The following UVRAG variants were observed in gnomAD, a reference collection of about 807,000 sequenced individuals.
UVRAG encodes UV radiation resistance-associated gene protein.
A neutral mutation model predicts 78.0 loss-of-function variants in UVRAG; 19 were observed. The ratio of observed to expected loss-of-function variants is 0.24; its 90% CI spans 0.17 to 0.36. The LOEUF (loss-of-function observed/expected upper bound fraction) is 0.36. Ranked by LOEUF, UVRAG falls within the 10% of genes least tolerant of loss-of-function variation. UVRAG has a pLI of 1.00. For synonymous variants in UVRAG, 323 were observed against 324.6 expected (o/e 1.00, Z 0.05); for missense variants, 740 against 853.8 (o/e 0.87, Z 1.66).
At chr11:75,942,212 A>G (rs7941207) in intron 6 of UVRAG, 13,443 of 153,082 alleles carry the variant, frequency 0.088, 1,012 homozygotes, top group African/African-American at 0.21. Flanking sequence ...GAGTGTGAAT[A>G]TCAGCAATTT....
intron 12 of UVRAG, among the ~76,000 whole-genome samples, chr11:76,047,552 A>C (rs2134343541): frequency 6.6e-6 from 1 of 152,298 alleles, no homozygotes; most frequent in African/African-American, 2.4e-5. Context: ...TTAGAGAAGG[A>C]CAAGGGAAGG....
At chr11:75,856,078 C>T (rs1456266886) in intron 2 of UVRAG, among the ~76,000 whole-genome samples, 1 of 152,168 alleles carries the variant, frequency 6.6e-6, no homozygotes, top group Non-Finnish European at 1.5e-5. Context: ...CAAGCTCCGC[C>T]TCCTGGGTTC....
At chr11:76,044,905 A>G (rs1256787111) in intron 12 of UVRAG, among the ~76,000 whole-genome samples, 1 of 152,216 alleles carries the variant, frequency 6.6e-6, no homozygotes, top group Non-Finnish European at 1.5e-5. Context: ...GAAAGTAGCA[A>G]TTGACGTAGC....
In UVRAG at chr11:76,143,053, G is replaced by T. The variant is rs749423416; in HGVS notation, c.*1640G>T. ...ATCTTCCTCCACATGAAGAAGTGGG[G>T]CTCCTTCACCTAGAGCAGGAGCTTC... On this transcript the variant is annotated 3_prime_UTR_variant, in exon 15 of 15. Coordinates refer to ENST00000356136, the MANE Select transcript of UVRAG (RefSeq NM_003369.4). 2.6e-5 allele frequency: 4 copies of T among 152,190 alleles called. No homozygotes were observed. Among genetic ancestry groups the T allele is most frequent in the South Asian group, 2.1e-4 (1 of 4,828 alleles). 9.4% of individuals were successfully genotyped at this position (152,190 alleles called of 1,614,324 possible).
intron 2 of UVRAG, among the ~76,000 whole-genome samples, chr11:75,859,095 C>T (rs1946358148): frequency 6.6e-6 from 1 of 152,108 alleles, no homozygotes; most frequent in African/African-American, 2.4e-5. Flanking sequence ...AAAATTTAGG[C>T]TGGGTGTGGT....
chr11:76,019,111 T>A (rs994554459), intron 12 of UVRAG, among the ~76,000 whole-genome samples: 1 of 152,242 alleles, frequency 6.6e-6, no homozygotes, highest in Non-Finnish European at 1.5e-5. Flanking sequence ...TGATCAATTC[T>A]GCTATTAAGA....
intron 13 of UVRAG, among the ~76,000 whole-genome samples, chr11:76,106,246 A>G (rs1951966933): frequency 6.6e-6 from 1 of 152,182 alleles, no homozygotes; most frequent in Non-Finnish European, 1.5e-5. Flanking sequence ...TAAATACTCT[A>G]TGATTCCATT....
intron 5 of UVRAG, among the ~76,000 whole-genome samples, chr11:75,890,938 GTTGTTA>G (rs1477723562): frequency 6.6e-6 from 1 of 152,084 alleles, no homozygotes; most frequent in African/African-American, 2.4e-5. Context: ...TGTTGTTGTT[GTTGTTA>G]TTGTTGTTTG....
chr11:75,941,814 G>T (rs955086039), intron 6 of UVRAG, among the ~76,000 whole-genome samples: 3 of 152,000 alleles, frequency 2.0e-5, no homozygotes, highest in Non-Finnish European at 2.9e-5. Context: ...GGAACTTCAG[G>T]GCCAGGTGGA....
At chr11:75,847,987 A>T (rs1207804345) in intron 1 of UVRAG, among the ~76,000 whole-genome samples, 1 of 150,488 alleles carries the variant, frequency 6.6e-6, no homozygotes, top group Non-Finnish European at 1.5e-5. Context: ...AAAAAAAGAA[A>T]AAAGGATTTA....
intron 3 of UVRAG, among the ~76,000 whole-genome samples, chr11:75,875,450 G>A (rs147940312): frequency 1.5e-4 from 23 of 149,644 alleles, no homozygotes; most frequent in African/African-American, 5.4e-4. Context: ...GACCTGTTAC[G>A]TATTTAAACC....
At chr11:75,858,614 G>T (rs1946344653) in intron 2 of UVRAG, among the ~76,000 whole-genome samples, 1 of 152,048 alleles carries the variant, frequency 6.6e-6, no homozygotes, top group African/African-American at 2.4e-5. Flanking sequence ...ATATTGATAG[G>T]GTAAATTTCA....
chr11:76,044,313 G>C (rs1440768888), intron 12 of UVRAG, among the ~76,000 whole-genome samples: 1 of 152,216 alleles, frequency 6.6e-6, no homozygotes, highest in Non-Finnish European at 1.5e-5. Context: ...TCACAGGGTT[G>C]TTTTAAGAAT....
intron 6 of UVRAG, among the ~76,000 whole-genome samples, chr11:75,930,354 G>A (rs1224183745): frequency 6.6e-6 from 1 of 151,790 alleles, no homozygotes; most frequent in Admixed American, 6.6e-5. Context: ...CTTTTTTGTT[G>A]ATTATTTGAT....
chr11:76,124,056 G>T (rs1416973768), intron 14 of UVRAG, among the ~76,000 whole-genome samples: 1 of 152,196 alleles, frequency 6.6e-6, no homozygotes, highest in African/African-American at 2.4e-5. Context: ...GAGCCACCAC[G>T]CCCAGCTGAG....
intron 7 of UVRAG, among the ~76,000 whole-genome samples, chr11:75,977,288 ACT>A (rs1216415273): frequency 2.0e-5 from 3 of 152,202 alleles, no homozygotes; most frequent in African/African-American, 7.2e-5. Context: ...TTTACTTCCA[ACT>A]ATGTGGTCAA....
At chr11:75,873,593 C>G (rs1365396683) in intron 3 of UVRAG, among the ~76,000 whole-genome samples, 1 of 152,134 alleles carries the variant, frequency 6.6e-6, no homozygotes, top group African/African-American at 2.4e-5. Context: ...ACCAGAGGCT[C>G]TCAGCTTCCT....
intron 5 of UVRAG, among the ~76,000 whole-genome samples, chr11:75,892,741 G>A (rs1319953284): frequency 6.6e-6 from 1 of 152,174 alleles, no homozygotes; most frequent in African/African-American, 2.4e-5. Context: ...CACCTGACAT[G>A]TAGACTGAAC....
At chr11:76,026,295 TATTATTA>T (rs1465971411) in intron 12 of UVRAG, among the ~76,000 whole-genome samples, 4 of 152,178 alleles carry the variant, frequency 2.6e-5, no homozygotes, top group Non-Finnish European at 5.9e-5. Flanking sequence ...TCCTCATTTC[TATTATTA>T]CCTGCTTCAG....
Sources: allele counts gnomAD v4.1 joint callset (sites outside exome capture counted in the v4.1 genomes callset), GRCh38; gene constraint gnomAD v4.1.1; transcripts MANE v1.5; gene names NCBI Gene and HGNC (gene_info 2026-07-23, HGNC 2026-07-21).